Variants in KLHL22 observed in about 807,000 individuals in gnomAD.
The protein encoded by KLHL22 is kelch-like protein 22.
KLHL22 carries 18 observed loss-of-function variants against 60.7 expected under a neutral mutation model. The observed-to-expected ratio is 0.30, with a 90% CI of 0.20 to 0.44. KLHL22 has a LOEUF of 0.44. KLHL22 is among the 20% of genes least tolerant of loss of function. The pLI is 1.00. For missense variants in KLHL22, 596 were observed against 852.3 expected, an observed-to-expected ratio of 0.70 and a Z score of 3.74; for synonymous variants, 355 against 354.5, an observed-to-expected ratio of 1.00 and a Z score of -0.01.
At chr22:20,449,622 G>A (rs1419153527) in intron 5 of KLHL22, among the ~76,000 whole-genome samples, 2 of 151,612 alleles carry the variant, frequency 1.3e-5, no homozygotes, top group African/African-American at 4.9e-5. Flanking sequence ...GCTGGTCTCT[G>A]GTCTCGAACT....
chr22:20,483,083 A>G (rs972022793), intron 2 of KLHL22: 1 of 658,440 alleles, frequency 1.5e-6, no homozygotes, highest in Non-Finnish European at 2.8e-6. Context: ...CAGGTGCAGC[A>G]GGATCCCATT....
intron 2 of KLHL22, chr22:20,484,062 G>T: frequency 1.0e-6 from 1 of 985,492 alleles, no homozygotes; most frequent in South Asian, 1.3e-5. Context: ...AGAGCCCAGG[G>T]ACCAGTAGTT....
chr22:20,470,828 ATG>A (rs2053312892), intron 3 of KLHL22, among the ~76,000 whole-genome samples: 1 of 141,824 alleles, frequency 7.1e-6, no homozygotes, highest in African/African-American at 3.1e-5. Flanking sequence ...GGATGGATGG[ATG>A]CATGCATGCA....
At chr22:20,451,445 T>C in intron 5 of KLHL22, 3 of 1,605,212 alleles carry the variant, frequency 1.9e-6, no homozygotes, top group East Asian at 2.2e-5. Flanking sequence ...TTAAATTCAG[T>C]TGAGAAATAT....
intron 3 of KLHL22, among the ~76,000 whole-genome samples, chr22:20,468,727 A>G (rs2053270444): frequency 6.6e-6 from 1 of 152,034 alleles, no homozygotes; most frequent in Non-Finnish European, 1.5e-5. Context: ...TGTGGTGATC[A>G]CAGCTTACTG....
intron 2 of KLHL22, chr22:20,483,871 T>C: frequency 2.8e-6 from 2 of 710,168 alleles, no homozygotes; most frequent in Non-Finnish European, 5.1e-6. Context: ...TCCTTCTCAT[T>C]CTGGATGCTT....
In KLHL22 at chr22:20,495,618, C is replaced by T. The variant is rs1450684776; in HGVS notation, c.-34+142G>A. The T allele has an allele frequency of 6.6e-6, 1 of 150,830 alleles. No individual in the cohort carries two copies. The highest frequency in any genetic ancestry group is 1.5e-5 in the Non-Finnish European group (1 of 67,272). 9.3% of individuals were successfully genotyped at this position (150,830 alleles called of 1,614,324 possible). ...CGCGGGCTCTCCTCAGGTCGCCGCC[C>T]CCGAGCCTCCGGCCCGCGCCCGCCC... On this transcript the variant is annotated intron_variant, in intron 1 of 6. Transcript: ENST00000328879. This position sits in a 1 kb window ranked among gnomAD's most constrained non-coding sequence, Gnocchi z 4.6.
chr22:20,457,662 C>T (rs2053084331), intron 5 of KLHL22, 146 bp downstream of exon 5: 1 of 649,036 alleles, frequency 1.5e-6, no homozygotes, highest in Non-Finnish European at 2.7e-6. Flanking sequence ...GCATTCAATG[C>T]AGGGTCTCTG....
chr22:20,484,308 T>A (rs1422078986), intron 2 of KLHL22, among the ~76,000 whole-genome samples: 1 of 152,078 alleles, frequency 6.6e-6, no homozygotes, highest in African/African-American at 2.4e-5. Flanking sequence ...TGTTTTTTGC[T>A]TTTTGAGGCA....
In KLHL22 at chr22:20,488,965, A is replaced by C. The variant is rs747720112; in HGVS notation, c.227+20T>G. On this transcript the variant is annotated intron_variant, in intron 2 of 6. Coordinates refer to ENST00000328879, the MANE Select transcript of KLHL22 (RefSeq NM_032775.4). ...GATTACCTTTGTTATTCTTCTTACA[A>C]ACAGCTCTAGTGAACTCACCTGAAG... 1.2e-6 allele frequency: 2 copies of C among 1,609,724 alleles called. No individual in the cohort carries two copies. The highest frequency in any genetic ancestry group is 1.7e-6 in the Non-Finnish European group (2 of 1,177,416).
At chr22:20,447,923 C>A (rs1361649088) in intron 5 of KLHL22, among the ~76,000 whole-genome samples, 1 of 152,258 alleles carries the variant, frequency 6.6e-6, no homozygotes, top group East Asian at 1.9e-4. Context: ...AGAGGTCTCA[C>A]GTGCCTTCTT....
At position 20,471,475 on chromosome 22, in the gene KLHL22, C is replaced by T; in HGVS notation, c.268G>A (p.Glu90Lys). 2 of 1,614,112 alleles carry T rather than the reference C, an allele frequency of 1.2e-6. No homozygotes were observed. Among genetic ancestry groups the T allele is most frequent in the East Asian group, 2.2e-5 (1 of 44,878 alleles). The change falls in exon 3 of 7, where the codon GAG becomes AAG. Residue 90 changes from glutamate (E) to lysine (K), a missense_variant. Glu to Lys is a moderately conservative substitution (Grantham distance 56, BLOSUM62 1). Coordinates refer to ENST00000328879, the MANE Select transcript of KLHL22 (RefSeq NM_032775.4). ...AGGLKEMEQE[E>K]VLIHGVSYNA... ...TAGGACACACCGTGGATCAGGACCTCTTCCTGTTCCATCTCCTTCAATCCC... is the reference window on the plus strand; with the variant it reads ...TAGGACACACCGTGGATCAGGACCTTTTCCTGTTCCATCTCCTTCAATCCC...
rs766550784 is a variant in KLHL22 at position 20,449,060 on chromosome 22, GT to G, written c.1306-2385del. ...TCTGTTTTTTGTTTTGTTTTGTTTT[GT>G]TTTGTTTGTTTTTTTTTGAGACAGA... On this transcript the variant is annotated intron_variant, in intron 5 of 6. Transcript: ENST00000328879. Among the ~76,000 whole-genome samples the G allele has an allele frequency of 6.4e-3, 929 of 146,118 alleles. 10 individuals carry two copies. The highest frequency in any genetic ancestry group is 0.023 in the African/African-American group (877 of 38,678).
Position 20,465,622 on chromosome 22 carries a change from A to T in KLHL22, c.394-46T>A. 1 of 937,782 alleles carries T rather than the reference A, an allele frequency of 1.1e-6. No individual in the cohort carries two copies. The highest frequency in any genetic ancestry group is 1.8e-6 in the Non-Finnish European group (1 of 563,204). The allele number at this position is 937,782 out of a possible 1,614,324, so 58.1% of individuals were successfully genotyped here. ...ATTCAAGCCTGGGCTGGTGAACAGC[A>T]TCTGGGGGTGGGAGAGAGAATGATG... On this transcript the variant is annotated intron_variant, in intron 3 of 6. Coordinates refer to ENST00000328879, the MANE Select transcript of KLHL22 (RefSeq NM_032775.4). This position sits in a 1 kb window ranked among gnomAD's most constrained non-coding sequence, Gnocchi z 4.9.
At chr22:20,492,245 A>C (rs2053703147) in intron 1 of KLHL22, among the ~76,000 whole-genome samples, 1 of 152,020 alleles carries the variant, frequency 6.6e-6, no homozygotes. Context: ...CATGTGCCCT[A>C]TGAACCTACT....
At chr22:20,448,782 C>CT (rs1268423824) in intron 5 of KLHL22, among the ~76,000 whole-genome samples, 2 of 152,144 alleles carry the variant, frequency 1.3e-5, no homozygotes, top group African/African-American at 2.4e-5. Context: ...AGGATGGTAA[C>CT]TGCCAGATCT....
At chr22:20,469,904 C>G (rs1194031242) in intron 3 of KLHL22, among the ~76,000 whole-genome samples, 1 of 152,098 alleles carries the variant, frequency 6.6e-6, no homozygotes, top group Non-Finnish European at 1.5e-5. Context: ...TATCAGGCCT[C>G]TGCCTGATAG....
chr22:20,460,845 C>T (rs760922887), intron 4 of KLHL22, among the ~76,000 whole-genome samples: 1 of 152,036 alleles, frequency 6.6e-6, no homozygotes, highest in Non-Finnish European at 1.5e-5. Flanking sequence ...AACAATTTTA[C>T]TTATTGCTAT....
At chr22:20,472,542 A>G (rs901369441) in intron 2 of KLHL22, among the ~76,000 whole-genome samples, 1 of 152,182 alleles carries the variant, frequency 6.6e-6, no homozygotes, top group Non-Finnish European at 1.5e-5. Flanking sequence ...CCTGGCCAAC[A>G]TGGTGAAACC....
Sources: gnomAD v4.1 joint callset for allele counts (sites outside exome capture counted in the v4.1 genomes callset) on GRCh38, gnomAD v4.1.1 for gene constraint, Gnocchi (gnomAD v3.1) non-coding constraint, MANE v1.5 for transcripts, NCBI Gene and HGNC (gene_info 2026-07-23, HGNC 2026-07-21) for gene names.